The following KDM2A variants were observed in gnomAD, a reference collection of about 807,000 sequenced individuals.
KDM2A encodes the protein lysine demethylase 2A.
KDM2A carries 3 observed loss-of-function variants against 137.3 expected under a neutral mutation model. The ratio of observed to expected loss-of-function variants is 0.02; its 90% confidence interval spans 0.01 to 0.06. The LOEUF (loss-of-function observed/expected upper bound fraction) is 0.06, where lower values mean the gene tolerates loss of function less well. KDM2A is among the 10% of genes least tolerant of loss of function. KDM2A has a pLI of 1.00. For missense variants in KDM2A, 738 were observed against 1,510.6 expected (o/e 0.49, Z 8.48); for synonymous variants, 512 against 541.5 (o/e 0.95, Z 0.76).
Position 67,254,582 on chromosome 11 carries a change from A to T in KDM2A, c.3307+164A>T. 1 of 687,492 alleles carries T rather than the reference A, an allele frequency of 1.5e-6. No individual in the cohort carries two copies. The highest frequency in any genetic ancestry group is 2.6e-5 in the Admixed American group (1 of 38,898). The allele number at this position is 687,492 out of a possible 1,614,324, so 42.6% of individuals were successfully genotyped here. On this transcript the variant is annotated intron_variant, in intron 20 of 20. Transcript: ENST00000529006. This position sits in a 1 kb window ranked among gnomAD's most constrained non-coding sequence, Gnocchi z 4.7. ...TGGATTTCTATCCCTTTTTTAACTG[A>T]TGGGGGACTGAGGCCTTGAGTAGTT...
intron 2 of KDM2A, among the ~76,000 whole-genome samples, chr11:67,178,756 G>T (rs1857024050): frequency 6.6e-6 from 1 of 152,002 alleles, no homozygotes; most frequent in Non-Finnish European, 1.5e-5. Flanking sequence ...ATATCTCATT[G>T]TATAGGTATA....
At chr11:67,131,598 G>A (rs1855856294) in intron 2 of KDM2A, among the ~76,000 whole-genome samples, 1 of 151,836 alleles carries the variant, frequency 6.6e-6, no homozygotes, top group Non-Finnish European at 1.5e-5. Context: ...TTTTAGTAGA[G>A]ATGGGGTTTT....
intron 11 of KDM2A, among the ~76,000 whole-genome samples, chr11:67,229,320 ACT>A (rs1284971252): frequency 6.6e-6 from 1 of 151,870 alleles, no homozygotes; most frequent in Non-Finnish European, 1.5e-5. Flanking sequence ...GGTTGGTCAG[ACT>A]CTGCAGTTTA....
intron 5 of KDM2A, among the ~76,000 whole-genome samples, chr11:67,205,125 T>C (rs932683994): frequency 6.6e-6 from 1 of 152,220 alleles, no homozygotes; most frequent in African/African-American, 2.4e-5. Context: ...CACCAGTAGA[T>C]GTATGAGGGT....
At chr11:67,147,878 C>T (rs1856291804) in intron 2 of KDM2A, among the ~76,000 whole-genome samples, 1 of 151,878 alleles carries the variant, frequency 6.6e-6, no homozygotes, top group African/African-American at 2.4e-5. Context: ...GAGGTTTTAC[C>T]ATGTTGGCCA....
intron 10 of KDM2A, among the ~76,000 whole-genome samples, chr11:67,222,218 C>T (rs1590801138): frequency 3.8e-5 from 4 of 104,260 alleles, no homozygotes; most frequent in Admixed American, 1.0e-4. Flanking sequence ...GAGGACCCTG[C>T]GGCCTTCCGC....
intron 5 of KDM2A, chr11:67,196,873 T>C (rs1337318536): frequency 6.3e-6 from 1 of 158,302 alleles, no homozygotes; most frequent in African/African-American, 2.4e-5. Flanking sequence ...TTTTATGTTT[T>C]TTGTATTTTA....
At chr11:67,240,599 CT>C (rs1859003044) in intron 12 of KDM2A, among the ~76,000 whole-genome samples, 1 of 152,156 alleles carries the variant, frequency 6.6e-6, no homozygotes, top group Non-Finnish European at 1.5e-5. Context: ...GCCCAGGCAC[CT>C]TCTGTTCTCT....
intron 10 of KDM2A, among the ~76,000 whole-genome samples, chr11:67,220,023 A>G (rs1290524567): frequency 2.0e-5 from 3 of 149,122 alleles, no homozygotes; most frequent in Non-Finnish European, 3.0e-5. Flanking sequence ...TTTTCTTTTA[A>G]TATTTGGGAC....
At chr11:67,227,746 T>A (rs898726188) in intron 10 of KDM2A, among the ~76,000 whole-genome samples, 1 of 152,108 alleles carries the variant, frequency 6.6e-6, no homozygotes, top group Non-Finnish European at 1.5e-5. Flanking sequence ...AATTTTTGTA[T>A]TTTTAGTAGA....
intron 6 of KDM2A, among the ~76,000 whole-genome samples, chr11:67,208,467 G>C (rs1304913019): frequency 5.3e-5 from 8 of 151,156 alleles, no homozygotes; most frequent in Non-Finnish European, 1.2e-4. Flanking sequence ...TAACGGAGAG[G>C]AATATTAAAA....
chr11:67,139,732 CAG>C (rs1186812469), intron 2 of KDM2A, among the ~76,000 whole-genome samples: 2 of 151,810 alleles, frequency 1.3e-5, no homozygotes, highest in East Asian at 1.9e-4. Flanking sequence ...TTTTTTGAGA[CAG>C]AGTCTCGCTC....
intron 2 of KDM2A, among the ~76,000 whole-genome samples, chr11:67,146,839 C>T (rs1252009281): frequency 1.3e-5 from 2 of 152,104 alleles, no homozygotes; most frequent in Non-Finnish European, 2.9e-5. Flanking sequence ...TAATGCCATG[C>T]TTTCCTCCCT....
At chr11:67,215,532 C>T in intron 7 of KDM2A, 86 bp downstream of exon 7, 1 of 855,280 alleles carries the variant, frequency 1.2e-6, no homozygotes, top group Non-Finnish European at 1.9e-6. Flanking sequence ...ACGAGCTTTG[C>T]TCTGTGTCTT....
Position 67,119,844 on chromosome 11 carries a change from A to G in KDM2A, c.-289A>G, listed in dbSNP as rs1454771955. 1 of 151,564 alleles carries G rather than the reference A, an allele frequency of 6.6e-6. No homozygotes were observed. Among genetic ancestry groups the G allele is most frequent in the Non-Finnish European group, 1.5e-5 (1 of 67,874 alleles). 9.4% of individuals were successfully genotyped at this position (151,564 alleles called of 1,614,324 possible). A position where few individuals can be genotyped will look rare whatever the true frequency, so the allele number is the denominator to read the frequency against. ...CGAGGGGTCGCGCTCCTCTCTCCTG[A>G]CGCCTCCGACTCCCGGTCTCCAAAG... On this transcript the variant is annotated 5_prime_UTR_variant, in exon 1 of 21. Transcript: ENST00000529006.
chr11:67,176,375 A>G (rs978428394), intron 2 of KDM2A, among the ~76,000 whole-genome samples: 3 of 152,194 alleles, frequency 2.0e-5, no homozygotes, highest in Non-Finnish European at 2.9e-5. Context: ...TAGATCATCA[A>G]TACTTAGTTT....
chr11:67,135,942 C>T (rs1006958598), intron 2 of KDM2A, among the ~76,000 whole-genome samples: 2 of 152,188 alleles, frequency 1.3e-5, no homozygotes, highest in Non-Finnish European at 2.9e-5. Context: ...CTCATCCTAT[C>T]ATATACTTTC....
intron 10 of KDM2A, among the ~76,000 whole-genome samples, chr11:67,220,747 T>C (rs573241326): frequency 1.2e-4 from 19 of 152,332 alleles, no homozygotes; most frequent in African/African-American, 4.3e-4. Context: ...CTATTGTAAC[T>C]GTTTAACCCT....
At chr11:67,253,335 T>G (rs1378667562) in intron 18 of KDM2A, 118 bp from the exon 19 acceptor site, 17 of 841,972 alleles carry the variant, frequency 2.0e-5, no homozygotes, top group African/African-American at 1.4e-4. Flanking sequence ...ACTAAAAGAT[T>G]AGGCATAGTC....
Sources: allele counts gnomAD v4.1 joint callset (sites outside exome capture counted in the v4.1 genomes callset), GRCh38; gene constraint gnomAD v4.1.1; non-coding constraint Gnocchi (gnomAD v3.1); transcripts MANE v1.5; gene names NCBI Gene and HGNC (gene_info 2026-07-23, HGNC 2026-07-21).